The following MACROD2 variants were observed in gnomAD, a reference collection of about 807,000 sequenced individuals.
MACROD2 encodes the protein ADP-ribose glycohydrolase MACROD2.
In MACROD2, 36 loss-of-function variants were observed where a neutral mutation model predicts 70.4. That is an observed-to-expected ratio of 0.51 (90% CI 0.39 to 0.68). The LOEUF (loss-of-function observed/expected upper bound fraction) is 0.68, where lower values mean the gene tolerates loss of function less well. Ranked by LOEUF, MACROD2 falls within the 30% of genes least tolerant of loss-of-function variation. The probability of loss-of-function intolerance (pLI) is 0.00; values close to 1 mark genes in which losing one functional copy is unlikely to be tolerated. For synonymous variants in MACROD2, 172 were observed against 178.8 expected, an observed-to-expected ratio of 0.96 and a Z score of 0.30; for missense variants, 496 against 538.4, an observed-to-expected ratio of 0.92 and a Z score of 0.78.
At chr20:14,581,183 G>C (rs1600412014) in intron 4 of MACROD2, among the ~76,000 whole-genome samples, 1 of 152,132 alleles carries the variant, frequency 6.6e-6, no homozygotes, top group African/African-American at 2.4e-5. Flanking sequence ...GTCCCCATTA[G>C]TACTTAAAAC....
chr20:14,969,379 C>CACACACAA (rs1353462064), intron 5 of MACROD2, among the ~76,000 whole-genome samples: 1 of 150,534 alleles, frequency 6.6e-6, no homozygotes, highest in African/African-American at 2.5e-5. Context: ...CACACACACA[C>CACACACAA]ACACACACAC....
rs145731511 is a variant in MACROD2 at position 15,945,503 on chromosome 20, C to A, written c.907+7959C>A. On this transcript the variant is annotated intron_variant, in intron 12 of 17. Transcript: ENST00000684519. ...ATCTTTGCACACATATCCTTATATGCTGATGCTTTTATTTGTATGGAAAGA... is the reference window on the plus strand; with the variant it reads ...ATCTTTGCACACATATCCTTATATGATGATGCTTTTATTTGTATGGAAAGA... Among the ~76,000 whole-genome samples the A allele has an allele frequency of 3.7e-3, 563 of 152,292 alleles. 2 individuals carry two copies. The highest frequency in any genetic ancestry group is 0.013 in the African/African-American group (540 of 41,576).
chr20:14,849,982 C>T (rs760974347), intron 5 of MACROD2: 50 of 516,914 alleles, frequency 9.7e-5, no homozygotes, highest in South Asian at 6.2e-4. Context: ...ATCACTCCAC[C>T]GAAAAATCTA....
chr20:14,417,882 A>C (rs962256552), intron 3 of MACROD2, among the ~76,000 whole-genome samples: 1 of 152,236 alleles, frequency 6.6e-6, no homozygotes, highest in Non-Finnish European at 1.5e-5. Context: ...AACACTTAAC[A>C]GTTTTTAAGA....
chr20:15,198,564 A>T (rs970565100), intron 5 of MACROD2, among the ~76,000 whole-genome samples: 23 of 152,334 alleles, frequency 1.5e-4, no homozygotes, highest in African/African-American at 5.5e-4. Context: ...TCATGTTTTC[A>T]ATAAAATACT....
At chr20:15,529,271 CGTGTGTGTGTGTGTGCATGCCTGTGT>C (rs2047763867) in intron 8 of MACROD2, among the ~76,000 whole-genome samples, 1 of 149,430 alleles carries the variant, frequency 6.7e-6, no homozygotes, top group Non-Finnish European at 1.5e-5. Context: ...CTGTGGGATG[CGTGTGTGTGTGTGTGCATGCCTGTGT>C]GTGTGTGTGT....
chr20:14,094,113 G>A (rs2054190655), intron 3 of MACROD2, among the ~76,000 whole-genome samples: 1 of 152,096 alleles, frequency 6.6e-6, no homozygotes, highest in Non-Finnish European at 1.5e-5. Context: ...TTAAGTTTAA[G>A]GGGGAGACTG....
intron 10 of MACROD2, among the ~76,000 whole-genome samples, chr20:15,900,004 T>G (rs1229636307): frequency 6.6e-6 from 1 of 152,178 alleles, no homozygotes; most frequent in Non-Finnish European, 1.5e-5. Context: ...GAATTTTCTC[T>G]CTGCCCCATT....
chr20:14,043,198 G>A (rs62207758), intron 2 of MACROD2, among the ~76,000 whole-genome samples: 2,625 of 152,254 alleles, frequency 0.017, 37 homozygotes, highest in Non-Finnish European at 0.026. Flanking sequence ...GGGATTACAG[G>A]TGAGAGCCAC....
intron 5 of MACROD2, among the ~76,000 whole-genome samples, chr20:15,123,496 A>G (rs2076044995): frequency 6.6e-6 from 1 of 152,224 alleles, no homozygotes; most frequent in African/African-American, 2.4e-5. Context: ...AAGACTTAGT[A>G]TATAATAATA....
chr20:16,005,408 C>CACCT (rs2066774321), intron 15 of MACROD2, among the ~76,000 whole-genome samples: 2 of 152,196 alleles, frequency 1.3e-5, no homozygotes, highest in African/African-American at 4.8e-5. Flanking sequence ...ATTGAATCAA[C>CACCT]ACCTGGGGCA....
chr20:15,474,443 A>G (rs914479754), intron 7 of MACROD2, among the ~76,000 whole-genome samples: 10 of 152,216 alleles, frequency 6.6e-5, no homozygotes, highest in Non-Finnish European at 8.8e-5. Flanking sequence ...ACTAGAAAGC[A>G]TCTCACACTC....
At chr20:14,949,296 T>C (rs977602541) in intron 5 of MACROD2, among the ~76,000 whole-genome samples, 2 of 152,214 alleles carry the variant, frequency 1.3e-5, no homozygotes, top group African/African-American at 4.8e-5. Context: ...ACTCTAAAGT[T>C]CAGCATAGGA....
chr20:14,469,745 C>T (rs1317724451), intron 3 of MACROD2, among the ~76,000 whole-genome samples: 2 of 151,804 alleles, frequency 1.3e-5, no homozygotes, highest in African/African-American at 2.4e-5. Flanking sequence ...TCATGCTTCA[C>T]GAAGTTCTCG....
chr20:14,213,508 C>T (rs1039965309), intron 3 of MACROD2, among the ~76,000 whole-genome samples: 1 of 150,110 alleles, frequency 6.7e-6, no homozygotes. Flanking sequence ...ATAACAGAGA[C>T]TTTAGTAACA....
intron 8 of MACROD2, among the ~76,000 whole-genome samples, chr20:15,629,845 A>G (rs1378646793): frequency 1.3e-5 from 2 of 152,256 alleles, no homozygotes; most frequent in Admixed American, 6.5e-5. Context: ...GTAGCAGAAG[A>G]TGTTTTCCTA....
At chr20:15,418,415 G>A (rs2046183895) in intron 6 of MACROD2, among the ~76,000 whole-genome samples, 1 of 152,134 alleles carries the variant, frequency 6.6e-6, no homozygotes, top group Non-Finnish European at 1.5e-5. Context: ...GGCCAAGTTA[G>A]GTGAGAAATG....
chr20:14,479,170 A>G (rs2084632912), intron 3 of MACROD2, among the ~76,000 whole-genome samples: 1 of 152,060 alleles, frequency 6.6e-6, no homozygotes, highest in Admixed American at 6.5e-5. Flanking sequence ...TGGGAGATGG[A>G]AAGCCCTTCC....
At chr20:14,767,755 A>T (rs143991888) in intron 5 of MACROD2, among the ~76,000 whole-genome samples, 3 of 151,768 alleles carry the variant, frequency 2.0e-5, no homozygotes, top group East Asian at 1.9e-4. Context: ...CCTGTCATCT[A>T]CATTAGGTAT....
Sources: gnomAD v4.1 joint callset for allele counts (sites outside exome capture counted in the v4.1 genomes callset) on GRCh38, gnomAD v4.1.1 for gene constraint, MANE v1.5 for transcripts, NCBI Gene and HGNC (gene_info 2026-07-23, HGNC 2026-07-21) for gene names.